The following UBTF variants were observed in gnomAD, a reference collection of about 807,000 sequenced individuals.
The protein encoded by UBTF is nucleolar transcription factor 1.
Under a neutral mutation model 112.3 loss-of-function variants are expected in UBTF, and 8 were observed. The ratio of observed to expected loss-of-function variants is 0.07; its 90% CI spans 0.04 to 0.13. UBTF has a LOEUF of 0.13. UBTF is among the 10% of genes least tolerant of loss of function. The pLI, the probability that UBTF is intolerant of heterozygous loss-of-function variation, is 1.00. For missense variants in UBTF, 457 were observed against 982.1 expected (o/e 0.47, Z 7.15); for synonymous variants, 417 against 373.1 (o/e 1.12, Z -1.36).
rs2526011 is a variant in UBTF, at chr17:44,210,760, T to G, written c.1359+32A>C. On this transcript the variant is annotated intron_variant, in intron 13 of 20. Coordinates refer to ENST00000436088, the MANE Select transcript of UBTF (RefSeq NM_014233.4). Reference sequence around the variant, plus strand: ...GAAGAGGGGGCCCTGGCAGCCCCCCTGGGGGCACAGCGCTCCGCCAGGCAG... The same window carrying G: ...GAAGAGGGGGCCCTGGCAGCCCCCCGGGGGGCACAGCGCTCCGCCAGGCAG... 150,637 of 1,551,988 alleles carry G rather than the reference T, an allele frequency of 0.097. 7,797 individuals are homozygous for G. The highest frequency in any genetic ancestry group is 0.15 in the African/African-American group (11,237 of 73,128).
At chr17:44,208,072 G>A (rs2056383656) in intron 17 of UBTF, among the ~76,000 whole-genome samples, 161 bp from the exon 18 acceptor site, 1 of 150,598 alleles carries the variant, frequency 6.6e-6, no homozygotes, top group South Asian at 2.1e-4. Flanking sequence ...GAGCCCCTGG[G>A]ATCTGAGAAC....
chr17:44,218,297 C>T lies in UBTF; in HGVS notation c.-67-1G>A, dbSNP rs571833610. 1 of 1,555,138 alleles carries T rather than the reference C, an allele frequency of 6.4e-7. No homozygotes were observed. Among genetic ancestry groups the T allele is most frequent in the Non-Finnish European group, 8.8e-7 (1 of 1,135,950 alleles). Reference sequence around the variant, plus strand: ...AACCCGGGGTCAAAGCCACCTCACCCTTTGGAAGACATACCAGTTCCCACT... The same window carrying T: ...AACCCGGGGTCAAAGCCACCTCACCTTTTGGAAGACATACCAGTTCCCACT... On this transcript the variant is annotated splice_acceptor_variant, in intron 1 of 20. Coordinates refer to ENST00000436088, the MANE Select transcript of UBTF (RefSeq NM_014233.4). LOFTEE classifies it low-confidence loss of function (5UTR_SPLICE).
chr17:44,211,484 G>A lies in UBTF; in HGVS notation c.1047+122C>T, dbSNP rs2056673148. 5 of 1,556,914 alleles carry A rather than the reference G, an allele frequency of 3.2e-6. No homozygotes were observed. The highest frequency in any genetic ancestry group is 3.5e-6 in the Non-Finnish European group (4 of 1,144,758). On this transcript the variant is annotated intron_variant, in intron 10 of 20. Transcript: ENST00000436088. The surrounding 1 kb of genome is among the most constrained non-coding windows in gnomAD (Gnocchi z 4.9). ...GGGCTCAGTTGCTAAGCCCAGCCCA[G>A]CCCCACACTGTATTGGAGGCAGGTA...
In UBTF at chr17:44,209,757, AC is replaced by A. The variant is rs1166352105; in HGVS notation, c.1627-25del. On this transcript the variant is annotated intron_variant, in intron 15 of 20. Transcript: ENST00000436088. ...CTCTGGAGGGAGAAAGGTCACGCTCACCCCCCAGTCCCACCCCCAAAATACT... is the reference window on the plus strand; with the variant it reads ...CTCTGGAGGGAGAAAGGTCACGCTCACCCCCAGTCCCACCCCCAAAATACT... The A allele has an allele frequency of 2.5e-6, 4 of 1,609,828 alleles. No individual in the cohort carries two copies. The South Asian group carries it at 4.4e-5, about 18-fold the overall frequency.
Position 44,207,101 on chromosome 17 carries a change from T to A in UBTF, c.*141A>T. The A allele has an allele frequency of 1.8e-5, 3 of 166,416 alleles. No homozygotes were observed. Among genetic ancestry groups the A allele is most frequent in the South Asian group, 3.7e-4 (2 of 5,438 alleles). The allele number at this position is 166,416 out of a possible 1,614,324, so 10.3% of individuals were successfully genotyped here. On this transcript the variant is annotated 3_prime_UTR_variant, in exon 21 of 21. Coordinates refer to ENST00000436088, the MANE Select transcript of UBTF (RefSeq NM_014233.4). ...CCTCCAGCCCCCTACCCCCACCGTATTTTTTTTTTTTTTTAAAGAAAGAAA... is the reference window on the plus strand; with the variant it reads ...CCTCCAGCCCCCTACCCCCACCGTAATTTTTTTTTTTTTTAAAGAAAGAAA...
intron 13 of UBTF, 60 bp from the exon 14 acceptor site, chr17:44,210,533 C>T (rs1288132762): frequency 6.7e-7 from 1 of 1,490,474 alleles, no homozygotes; most frequent in African/African-American, 1.4e-5. Context: ...GCGCTCCCCG[C>T]GCAGCAGCCC....
intron 5 of UBTF, among the ~76,000 whole-genome samples, chr17:44,213,726 T>C (rs1418580171): frequency 6.6e-6 from 1 of 152,136 alleles, no homozygotes; most frequent in Non-Finnish European, 1.5e-5. Flanking sequence ...GTACGTAGCC[T>C]CTACATCTAT....
chr17:44,215,597 CCA>C, intron 5 of UBTF, 55 bp downstream of exon 5: 8 of 1,603,396 alleles, frequency 5.0e-6, no homozygotes, highest in Non-Finnish European at 6.0e-6. Flanking sequence ...CTGACCCACA[CCA>C]CACCAGCTGC....
rs1449575915 is a variant in UBTF at position 44,206,546 on chromosome 17, C to T, written c.*696G>A. ...TTTTTAAAAGGTTCCAAATCTACCC[C>T]TAAACCCTCCCTCTCCCAGAAATGA... On this transcript the variant is annotated 3_prime_UTR_variant, in exon 21 of 21. Transcript: ENST00000436088. 4.0e-5 allele frequency: 6 copies of T among 150,192 alleles called. No individual in the cohort carries two copies. Among genetic ancestry groups the T allele is most frequent in the African/African-American group, 1.2e-4 (5 of 40,380 alleles). 9.3% of individuals were successfully genotyped at this position (150,192 alleles called of 1,614,324 possible). A position where few individuals can be genotyped will look rare whatever the true frequency, so the allele number is the denominator to read the frequency against.
chr17:44,210,426 C>T lies in UBTF; in HGVS notation c.1407G>A (p.Arg469=), dbSNP rs2056578701. Residue 469 remains arginine, a synonymous_variant, in exon 14 of 21, where the codon AGG becomes AGA. Coordinates refer to ENST00000436088, the MANE Select transcript of UBTF (RefSeq NM_014233.4). ...GTTCCTCGCGCTCCCCGCCGGGCTT[C>T]CTCTCCGACTGAGCCTTGAGCGCCG... is the stretch of plus-strand genomic sequence containing the variant. ...REAALKAQSE[R]KPGGEREERG... is the part of the protein sequence containing the mutation. 4.3e-6 allele frequency: 7 copies of T among 1,613,858 alleles called. No homozygotes were observed. The highest frequency in any genetic ancestry group is 5.9e-6 in the Non-Finnish European group (7 of 1,180,020).
chr17:44,212,509 G>T, intron 7 of UBTF, 55 bp from the exon 8 acceptor site: 1 of 768,278 alleles, frequency 1.3e-6, no homozygotes, highest in Non-Finnish European at 2.1e-6. Context: ...GGGGGAGGGG[G>T]GAAGGGGGAA....
Position 44,211,388 on chromosome 17 carries a change from C to G in UBTF, c.1048-57G>C, listed in dbSNP as rs1156599661. On this transcript the variant is annotated intron_variant, in intron 10 of 20. Coordinates refer to ENST00000436088, the MANE Select transcript of UBTF (RefSeq NM_014233.4). The surrounding 1 kb of genome is among the most constrained non-coding windows in gnomAD (Gnocchi z 4.9). The stretch of plus-strand genomic sequence containing the variant: ...GGAGACAGTGTCACCACAGACCCTG[C>G]AGTACTCGGAGGACAGTGACCTTCA... 1 of 1,607,380 alleles carries G rather than the reference C, an allele frequency of 6.2e-7. No homozygotes were observed. The highest frequency in any genetic ancestry group is 1.3e-5 in the African/African-American group (1 of 74,776).
chr17:44,207,826 C>G (rs1231956887), intron 18 of UBTF, 38 bp downstream of exon 18: 2 of 1,614,102 alleles, frequency 1.2e-6, no homozygotes, highest in East Asian at 2.2e-5. Context: ...CTGAATTCCC[C>G]CACCCCTACC....
At chr17:44,215,595 C>T (rs950137104) in intron 5 of UBTF, 59 bp downstream of exon 5, 2 of 1,602,130 alleles carry the variant, frequency 1.2e-6, no homozygotes, top group Non-Finnish European at 1.7e-6. Flanking sequence ...AACTGACCCA[C>T]ACCACACCAG....
intron 3 of UBTF, chr17:44,216,234 A>C: frequency 1.7e-6 from 1 of 603,592 alleles, no homozygotes; most frequent in Non-Finnish European, 2.9e-6. Flanking sequence ...ACTGACCTCA[A>C]CCTGGTTGTC....
Position 44,218,184 on chromosome 17 carries a change from G to A in UBTF, c.46C>T (p.Pro16Ser), listed in dbSNP as rs146648895. ...TGGATGCCCCTACCTTGGCCTTTGG[G>A]GGCGGCCATTTCCAGGTCTGTGGGG... ...DCPTDLEMAA[P>S]KGQDRWSQED... The change falls in exon 2 of 21, where the codon CCC becomes TCC. Residue 16 changes from proline (P) to serine (S), a missense_variant. This residue lies in a region of UBTF where 20 missense variants were observed against 29.1 expected (regional missense o/e 0.69). Transcript: ENST00000436088. 7 of 1,612,664 alleles carry A rather than the reference G, an allele frequency of 4.3e-6. No homozygotes were observed. The African/African-American group carries it at 8.0e-5, about 18-fold the overall frequency.
chr17:44,214,191 C>A (rs1233885367), intron 5 of UBTF, among the ~76,000 whole-genome samples: 1 of 152,248 alleles, frequency 6.6e-6, no homozygotes, highest in Admixed American at 6.5e-5. Context: ...CTGAGCCCAA[C>A]CCCTGCCTCT....
chr17:44,219,009 G>GGAGGAGCCCGGCACA (rs2047017698), intron 1 of UBTF: 1 of 132,826 alleles, frequency 7.5e-6, no homozygotes, highest in Non-Finnish European at 1.6e-5. Flanking sequence ...CGACGCGCAC[G>GGAGGAGCCCGGCACA]GAGGAGCCCG....
chr17:44,211,718 A>G lies in UBTF; in HGVS notation c.935T>C (p.Leu312Pro). 1 of 1,608,456 alleles carries G rather than the reference A, an allele frequency of 6.2e-7. No individual in the cohort carries two copies. ...PNSYSLYCAE[L>P]MANMKDVPST... ...GGGCACGTCCTTCATGTTGGCCATGAGCTCTGCGCAGTACAGCGAGTAGCT... is the reference window on the plus strand; with the variant it reads ...GGGCACGTCCTTCATGTTGGCCATGGGCTCTGCGCAGTACAGCGAGTAGCT... The change falls in exon 10 of 21, where the codon CTC becomes CCC. Residue 312 changes from leucine (L) to proline (P), a missense_variant. Transcript: ENST00000436088. This position sits in a 1 kb window ranked among gnomAD's most constrained non-coding sequence, Gnocchi z 4.9.
Sources: gnomAD v4.1 joint callset for allele counts (sites outside exome capture counted in the v4.1 genomes callset) on GRCh38, gnomAD v4.1.1 for gene constraint, gnomAD v4.1.1 regional missense constraint, Gnocchi (gnomAD v3.1) non-coding constraint, MANE v1.5 for transcripts, NCBI Gene and HGNC (gene_info 2026-07-23, HGNC 2026-07-21) for gene names.